Variants in SPPL2B observed in about 807,000 individuals in gnomAD.
The protein encoded by SPPL2B is signal peptide peptidase-like 2B.
SPPL2B carries 39 observed loss-of-function variants against 59.7 expected under a neutral mutation model. The ratio of observed to expected loss-of-function variants is 0.65; its 90% CI spans 0.51 to 0.85. The LOEUF is 0.85. SPPL2B is among the 40% of genes least tolerant of loss of function. The pLI, the probability that SPPL2B is intolerant of heterozygous loss-of-function variation, is 0.00. For synonymous variants in SPPL2B, 419 were observed against 370.8 expected (o/e 1.13, Z -1.49); for missense variants, 865 against 849.0 (o/e 1.02, Z -0.23).
chr19:2,338,821 G>A lies in SPPL2B; in HGVS notation c.439G>A (p.Asp147Asn). The A allele has an allele frequency of 1.2e-6, 2 of 1,613,566 alleles. No homozygotes were observed. Among genetic ancestry groups the A allele is most frequent in the East Asian group, 4.5e-5 (2 of 44,870 alleles). ...GIPVALLSYK[D>N]MLDIFTRFGR... ...TCCCGTGGCCCTGCTCAGCTACAAAGACATGCTGGACATCTTCACGGTAGG... is the reference window on the plus strand; with the variant it reads ...TCCCGTGGCCCTGCTCAGCTACAAAAACATGCTGGACATCTTCACGGTAGG... The change falls in exon 4 of 15, where the codon GAC becomes AAC. Residue 147 changes from aspartate (D) to asparagine (N), a missense_variant. Physicochemically the swap from Asp to Asn is conservative, Grantham distance 23 (BLOSUM62 1). Coordinates refer to ENST00000613503, the MANE Select transcript of SPPL2B (RefSeq NM_152988.3).
chr19:2,349,092 G>A (rs1405025897), intron 13 of SPPL2B, among the ~76,000 whole-genome samples: 7 of 35,468 alleles, frequency 2.0e-4, no homozygotes, highest in Non-Finnish European at 3.4e-4. Context: ...ACACACTCGC[G>A]TTCTCATTCG....
chr19:2,329,479 C>G (rs192205731), intron 1 of SPPL2B, among the ~76,000 whole-genome samples: 4 of 152,296 alleles, frequency 2.6e-5, no homozygotes, highest in Admixed American at 2.6e-4. Context: ...CTAGTGGGGA[C>G]AGTCTACGAG....
At position 2,338,833 on chromosome 19, in the gene SPPL2B, A is replaced by G. The variant is rs371507572; in HGVS notation, c.451A>G (p.Ile151Val). 1.0e-4 allele frequency: 166 copies of G among 1,613,240 alleles called. No individual in the cohort carries two copies. The highest frequency in any genetic ancestry group is 1.4e-4 in the Non-Finnish European group (166 of 1,179,576). ...GCTCAGCTACAAAGACATGCTGGACATCTTCACGGTAGGTCTGCGCCGGCT... is the reference window on the plus strand; with the variant it reads ...GCTCAGCTACAAAGACATGCTGGACGTCTTCACGGTAGGTCTGCGCCGGCT... ...ALLSYKDMLD[I>V]FTRFGRTVRA... Residue 151 changes from isoleucine (I) to valine (V), a missense_variant, in exon 4 of 15, where the codon ATC (isoleucine) becomes GTC (valine). Coordinates refer to ENST00000613503, the MANE Select transcript of SPPL2B (RefSeq NM_152988.3).
At chr19:2,339,235 T>TGAC in intron 5 of SPPL2B, 27 bp downstream of exon 5, 7 of 1,593,168 alleles carry the variant, frequency 4.4e-6, no homozygotes, top group Non-Finnish European at 6.0e-6. Context: ...GCGTGTGCTG[T>TGAC]GACGGGGTCG....
intron 13 of SPPL2B, among the ~76,000 whole-genome samples, chr19:2,350,255 C>G (rs1412510166): frequency 6.7e-6 from 1 of 149,540 alleles, no homozygotes; most frequent in Non-Finnish European, 1.5e-5. Flanking sequence ...CACTTGCGCT[C>G]TTATTCGCTT....
intron 1 of SPPL2B, among the ~76,000 whole-genome samples, chr19:2,331,681 C>T (rs1320362696): frequency 6.6e-6 from 1 of 152,182 alleles, no homozygotes; most frequent in African/African-American, 2.4e-5. Context: ...GCAGTTCTAT[C>T]AGTTCCCATT....
intron 1 of SPPL2B, among the ~76,000 whole-genome samples, chr19:2,329,649 AC>A (rs1968176905): frequency 6.6e-6 from 1 of 152,076 alleles, no homozygotes; most frequent in African/African-American, 2.4e-5. Context: ...CGTCGCCGCC[AC>A]CTGGCTCCTC....
chr19:2,333,837 C>G (rs1482189782), intron 1 of SPPL2B, among the ~76,000 whole-genome samples: 1 of 152,232 alleles, frequency 6.6e-6, no homozygotes, highest in Non-Finnish European at 1.5e-5. Flanking sequence ...TTCCTTCTCC[C>G]TCCTGCGAAG....
intron 13 of SPPL2B, 132 bp from the exon 14 acceptor site, chr19:2,351,302 C>T: frequency 1.4e-6 from 1 of 708,062 alleles, no homozygotes; most frequent in Non-Finnish European, 2.4e-6. Flanking sequence ...GCCGGCTGAA[C>T]CCCCACTGTA....
At position 2,339,865 on chromosome 19, in the gene SPPL2B, A is replaced by G; in HGVS notation, c.641A>G (p.Gln214Arg). 6.2e-7 allele frequency: 1 copy of G among 1,603,644 alleles called. No individual in the cohort carries two copies. The highest frequency in any genetic ancestry group is 8.5e-7 in the Non-Finnish European group (1 of 1,175,266). The change falls in exon 6 of 15, where the codon CAG becomes CGG. Residue 214 changes from glutamine (Q) to arginine (R), a missense_variant. Physicochemically the swap from Gln to Arg is conservative, Grantham distance 43. Coordinates refer to ENST00000613503, the MANE Select transcript of SPPL2B (RefSeq NM_152988.3). ...KHKRDDGPEKQEDEAVDVTPV... is the reference protein window; with the variant it reads ...KHKRDDGPEKREDEAVDVTPV... ...AAGCGCGACGATGGGCCCGAGAAGCAGGAGGACGAGGCGGTGGACGTGACG... is the reference window on the plus strand; with the variant it reads ...AAGCGCGACGATGGGCCCGAGAAGCGGGAGGACGAGGCGGTGGACGTGACG...
chr19:2,328,754 CT>C lies in SPPL2B; in HGVS notation c.48del (p.Leu17CysfsTer88). The C allele has an allele frequency of 6.8e-7, 1 of 1,462,128 alleles. No individual in the cohort carries two copies. 90.6% of individuals were successfully genotyped at this position (1,462,128 alleles called of 1,614,324 possible). ...AAALARLLAA[F>X]LLLAAQVACE... ...CTGCGCTGGCGCGGCTTTTGGCGGCCTTTCTGCTCCTCGCGGCCCAGGTGAG... is the reference window on the plus strand; with the variant it reads ...CTGCGCTGGCGCGGCTTTTGGCGGCCTTCTGCTCCTCGCGGCCCAGGTGAG... On this transcript the variant is annotated frameshift_variant, in exon 1 of 15. Coordinates refer to ENST00000613503, the MANE Select transcript of SPPL2B (RefSeq NM_152988.3). LOFTEE classifies it high-confidence loss of function.
At position 2,332,135 on chromosome 19, in the gene SPPL2B, A is replaced by T. The variant is rs746840232; in HGVS notation, c.67-2467A>T. ...GGGAGGTCACATGGGAGGTGCTTGG[A>T]GTGGGGCTGGGGCAGCTGTGGGAAG... On this transcript the variant is annotated intron_variant, in intron 1 of 14. Coordinates refer to ENST00000613503, the MANE Select transcript of SPPL2B (RefSeq NM_152988.3). The surrounding 1 kb of genome is among the most constrained non-coding windows in gnomAD (Gnocchi z 4.6). 6.6e-6 allele frequency among the ~76,000 whole-genome samples: 1 copy of T among 152,122 alleles called. No individual in the cohort carries two copies. The highest frequency in any genetic ancestry group is 2.4e-5 in the African/African-American group (1 of 41,404).
intron 7 of SPPL2B, chr19:2,340,462 G>T: frequency 1.6e-6 from 1 of 623,282 alleles, no homozygotes; most frequent in Non-Finnish European, 2.9e-6. Context: ...GGGTTCTCCG[G>T]GGAACCCAGA....
intron 2 of SPPL2B, among the ~76,000 whole-genome samples, chr19:2,335,070 G>A (rs1433540242): frequency 6.6e-6 from 1 of 152,148 alleles, no homozygotes; most frequent in Non-Finnish European, 1.5e-5. Context: ...CCAGGGACGA[G>A]ACCTGTTCCT....
intron 2 of SPPL2B, 76 bp downstream of exon 2, chr19:2,334,797 G>T: frequency 1.4e-6 from 2 of 1,445,706 alleles, no homozygotes; most frequent in Non-Finnish European, 1.8e-6. Context: ...CATCCGGCTG[G>T]GGTTGCAGGA....
rs755699520 is a variant in SPPL2B at position 2,340,932 on chromosome 19, C to T, written c.874C>T (p.Arg292Cys). 18 of 1,600,754 alleles carry T rather than the reference C, an allele frequency of 1.1e-5. No individual in the cohort carries two copies. Among genetic ancestry groups the T allele is most frequent in the East Asian group, 6.7e-5 (3 of 44,870 alleles). The change falls in exon 8 of 15, where the codon CGC becomes TGC. Residue 292 changes from arginine (R) to cysteine (C), a missense_variant. Physicochemically the swap from Arg to Cys is radical, Grantham distance 180 (BLOSUM62 -3). Transcript: ENST00000613503. ...PNNSLPYFHK[R>C]PQARMLLLAL... The stretch of plus-strand genomic sequence containing the variant: ...CAACAGCCTGCCCTACTTCCACAAG[C>T]GCCCGCAGGCCCGTATGCTGCTCCT...
Position 2,353,007 on chromosome 19 carries a change from A to C in SPPL2B, c.1577A>C (p.Asp526Ala). 1.2e-6 allele frequency: 2 copies of C among 1,609,340 alleles called. No individual in the cohort carries two copies. Among genetic ancestry groups the C allele is most frequent in the African/African-American group, 1.4e-5 (1 of 73,994 alleles). ...GCCGACGGCCCGCAGCCTCCCAAAGACTCTGCCACGCCACTCTCCCCGCAG... is the reference window on the plus strand; with the variant it reads ...GCCGACGGCCCGCAGCCTCCCAAAGCCTCTGCCACGCCACTCTCCCCGCAG... ...APADGPQPPK[D>A]SATPLSPQPP... Residue 526 changes from aspartate (D) to alanine (A), a missense_variant, in exon 15 of 15, where the codon GAC (aspartate) becomes GCC (alanine). By Grantham distance (126) the Asp-to-Ala change is moderately radical. Coordinates refer to ENST00000613503, the MANE Select transcript of SPPL2B (RefSeq NM_152988.3).
chr19:2,348,305 ACTCG>A (rs1969609677), intron 13 of SPPL2B, among the ~76,000 whole-genome samples: 1 of 52,450 alleles, frequency 1.9e-5, no homozygotes, highest in African/African-American at 7.5e-5. Context: ...CCACACACAC[ACTCG>A]CGCTCTCATT....
At chr19:2,335,681 C>T (rs1968556708) in intron 2 of SPPL2B, among the ~76,000 whole-genome samples, 1 of 150,282 alleles carries the variant, frequency 6.7e-6, no homozygotes, top group Admixed American at 6.6e-5. Flanking sequence ...GCCTCCTTTC[C>T]CACCGTATCC....
Sources: gnomAD v4.1 joint callset for allele counts (sites outside exome capture counted in the v4.1 genomes callset) on GRCh38, gnomAD v4.1.1 for gene constraint, Gnocchi (gnomAD v3.1) non-coding constraint, MANE v1.5 for transcripts, NCBI Gene and HGNC (gene_info 2026-07-23, HGNC 2026-07-21) for gene names.